Variants in CELSR3 observed in about 807,000 individuals in gnomAD.
CELSR3 encodes EGF-like protein 1.
A neutral mutation model predicts 270.0 loss-of-function variants in CELSR3; 73 were observed. The observed-to-expected ratio is 0.27, with a 90% CI of 0.22 to 0.33. CELSR3 has a LOEUF of 0.33. Among genes scored for constraint, CELSR3 ranks in the 10% least tolerant of loss-of-function variants. The probability of loss-of-function intolerance (pLI) is 1.00; values close to 1 mark genes in which losing one functional copy is unlikely to be tolerated. For synonymous variants in CELSR3, 1,780 were observed against 1,905.4 expected, an observed-to-expected ratio of 0.93 and a Z score of 1.71; for missense variants, 3,614 against 4,533.8, an observed-to-expected ratio of 0.80 and a Z score of 5.83.
chr3:48,641,054 C>G lies in CELSR3; in HGVS notation c.9025+270G>C. 2.0e-6 allele frequency: 1 copy of G among 501,516 alleles called. No individual in the cohort carries two copies. The highest frequency in any genetic ancestry group is 3.5e-6 in the Non-Finnish European group (1 of 282,382). 31.1% of individuals were successfully genotyped at this position (501,516 alleles called of 1,614,324 possible). A position where few individuals can be genotyped will look rare whatever the true frequency, so the allele number is the denominator to read the frequency against. On this transcript the variant is annotated intron_variant, in intron 33 of 34. Transcript: ENST00000164024. The surrounding 1 kb of genome is among the most constrained non-coding windows in gnomAD (Gnocchi z 4.8). ...GGTGGGGGGCAGGGGGAAGCAGCTC[C>G]TAGGGTCTCTGAAAAACAGATGGGC... is the stretch of plus-strand genomic sequence containing the variant.
In CELSR3 at chr3:48,661,587, G is replaced by T; in HGVS notation, c.1048C>A (p.Gln350Lys). 6.2e-7 allele frequency: 1 copy of T among 1,609,950 alleles called. No homozygotes were observed. ...CCGGCCTCGCCGGCGTCCGGGTCCT[G>T]AGCAACCACGCGTAGCACCGCGGTG... ...AGTAVLRVVA[Q>K]DPDAGEAGRL... Residue 350 changes from glutamine to lysine, a missense_variant, in exon 1 of 35, where the codon CAG becomes AAG. Physicochemically the swap from Gln to Lys is moderately conservative, Grantham distance 53. Coordinates refer to ENST00000164024, the MANE Select transcript of CELSR3 (RefSeq NM_001407.3).
chr3:48,644,301 C>T lies in CELSR3; in HGVS notation c.8086-6G>A. On this transcript the variant is annotated splice_polypyrimidine_tract_variant and splice_region_variant and intron_variant, in intron 26 of 34. Transcript: ENST00000164024. The surrounding 1 kb of genome is among the most constrained non-coding windows in gnomAD (Gnocchi z 4.8). ...AGAAACATGGTCCCGTTCATCTGGA[C>T]CCACGGCCAGACATGTGGGGCCGGG... The T allele has an allele frequency of 6.2e-7, 1 of 1,612,860 alleles. No individual in the cohort carries two copies. Among genetic ancestry groups the T allele is most frequent in the Non-Finnish European group, 8.5e-7 (1 of 1,179,796 alleles).
Position 48,653,480 on chromosome 3 carries a change from G to T in CELSR3, c.5448+139C>A. On this transcript the variant is annotated intron_variant, in intron 9 of 34. Coordinates refer to ENST00000164024, the MANE Select transcript of CELSR3 (RefSeq NM_001407.3). This position sits in a 1 kb window ranked among gnomAD's most constrained non-coding sequence, Gnocchi z 6.5. ...ATGATGGAAAGAGAATCAAGGGCTA[G>T]GGTCCAGAGCAGGGTCAAGTGTGGT... 1 of 987,190 alleles carries T rather than the reference G, an allele frequency of 1.0e-6. No homozygotes were observed. Among genetic ancestry groups the T allele is most frequent in the Non-Finnish European group, 1.5e-6 (1 of 654,722 alleles). 61.2% of individuals were successfully genotyped at this position (987,190 alleles called of 1,614,324 possible). A position where few individuals can be genotyped will look rare whatever the true frequency, so the allele number is the denominator to read the frequency against.
At position 48,640,335 on chromosome 3, in the gene CELSR3, G is replaced by A. The variant is rs759724759; in HGVS notation, c.9250C>T (p.Arg3084Ter). 5 of 1,612,536 alleles carry A rather than the reference G, an allele frequency of 3.1e-6. No individual in the cohort carries two copies. The highest frequency in any genetic ancestry group is 4.2e-6 in the Non-Finnish European group (5 of 1,179,876). The change falls in exon 34 of 35, where the codon CGA becomes TGA. Residue 3084 changes from arginine to a stop codon, truncating the protein, a stop_gained. Transcript: ENST00000164024. LOFTEE classifies it high-confidence loss of function. This position sits in a 1 kb window ranked among gnomAD's most constrained non-coding sequence, Gnocchi z 7.5. ...ACAGGGGCAGGGGCTTCCTCTAGTC[G>A]CTCACGGCTCAGTTGCCGCCGGAGG... is the stretch of plus-strand genomic sequence containing the variant. ...LLLRRQLSRE[R>*]LEEAPAPVLR...
In CELSR3 at chr3:48,654,841, T is replaced by TG. The variant is rs897358936; in HGVS notation, c.4988+202dup. Among the ~76,000 whole-genome samples, 7 of 141,312 alleles carry TG rather than the reference T, an allele frequency of 5.0e-5. No individual in the cohort carries two copies. The highest frequency in any genetic ancestry group is 1.9e-4 in the African/African-American group (7 of 37,128). The allele number at this position is 141,312 out of a possible 152,430, so 92.7% of individuals were successfully genotyped here. ...TGGAGGACTGCCTGGGGACTGTGTG[T>TG]GGGAGGAGGGAGTATGGGGTGGAAT... On this transcript the variant is annotated intron_variant, in intron 6 of 34. Transcript: ENST00000164024. This position sits in a 1 kb window ranked among gnomAD's most constrained non-coding sequence, Gnocchi z 5.4.
At position 48,641,556 on chromosome 3, in the gene CELSR3, TG is replaced by T; in HGVS notation, c.8825-33del. 2 of 1,535,690 alleles carry T rather than the reference TG, an allele frequency of 1.3e-6. No homozygotes were observed. Among genetic ancestry groups the T allele is most frequent in the Non-Finnish European group, 1.8e-6 (2 of 1,112,960 alleles). On this transcript the variant is annotated intron_variant, in intron 32 of 34. Transcript: ENST00000164024. The surrounding 1 kb of genome is among the most constrained non-coding windows in gnomAD (Gnocchi z 4.8). Reference sequence around the variant, plus strand: ...AGCCAGGTCAGGTTACAGGAGCTTCTGGGTTGATCCCAGTGACTCATGACCC... The same window carrying T: ...AGCCAGGTCAGGTTACAGGAGCTTCTGGTTGATCCCAGTGACTCATGACCC...
Position 48,646,933 on chromosome 3 carries a change from C to A in CELSR3, c.7130-5G>T, listed in dbSNP as rs1464455470. On this transcript the variant is annotated splice_region_variant and splice_polypyrimidine_tract_variant and intron_variant, in intron 20 of 34. Transcript: ENST00000164024. The surrounding 1 kb of genome is among the most constrained non-coding windows in gnomAD (Gnocchi z 4.8). The stretch of plus-strand genomic sequence containing the variant: ...TGCTGCTGCTTGTGGGCAGAACTGC[C>A]AGGAGAGAAGGAGGAGCTTCTGTCA... 6.6e-7 allele frequency: 1 copy of A among 1,521,396 alleles called. No individual in the cohort carries two copies. Among genetic ancestry groups the A allele is most frequent in the South Asian group, 1.2e-5 (1 of 80,196 alleles). The allele number at this position is 1,521,396 out of a possible 1,614,324, so 94.2% of individuals were successfully genotyped here. A position where few individuals can be genotyped will look rare whatever the true frequency, so the allele number is the denominator to read the frequency against.
At chr3:48,649,749 G>C (rs1165776516) in intron 16 of CELSR3, among the ~76,000 whole-genome samples, 1 of 152,256 alleles carries the variant, frequency 6.6e-6, no homozygotes, top group South Asian at 2.1e-4. Flanking sequence ...AATGAGAATT[G>C]ACTTGGATCT....
At position 48,639,890 on chromosome 3, in the gene CELSR3, C is replaced by G. The variant is rs2047006733; in HGVS notation, c.9695G>C (p.Ser3232Thr). Residue 3232 changes from serine to threonine, a missense_variant, in exon 34 of 35, where the codon AGT becomes ACT. Transcript: ENST00000164024. This position sits in a 1 kb window ranked among gnomAD's most constrained non-coding sequence, Gnocchi z 4.1. ...TGTGGAGGGGCCATGGCTGGGGCCA[C>G]TGACCGAGTCCTCCCTAGCTCTGAG... ...QLLRAREDSV[S>T]GPSHGPSTEQ... 1.9e-6 allele frequency: 3 copies of G among 1,613,344 alleles called. No individual in the cohort carries two copies. In the South Asian group the frequency reaches 3.3e-5, roughly 18 times the overall value.
chr3:48,645,760 C>T lies in CELSR3; in HGVS notation c.7572G>A (p.Met2524Ile), dbSNP rs773182506. ...GCCCCACCTCACGGGGAGAGGCATC[C>T]ATGAGGACCCCAAAGGTCCCTGTCC... ...CSRTGTFGVL[M>I]DASPRERLEG... Residue 2524 changes from methionine (M) to isoleucine (I), a missense_variant, in exon 23 of 35, where the codon ATG becomes ATA. Met to Ile is a conservative substitution (Grantham distance 10). Coordinates refer to ENST00000164024, the MANE Select transcript of CELSR3 (RefSeq NM_001407.3). The surrounding 1 kb of genome is among the most constrained non-coding windows in gnomAD (Gnocchi z 5.4). The T allele has an allele frequency of 6.2e-6, 10 of 1,610,700 alleles. No homozygotes were observed. Among genetic ancestry groups the T allele is most frequent in the Non-Finnish European group, 7.6e-6 (9 of 1,178,368 alleles).
chr3:48,656,672 C>A, intron 2 of CELSR3, 26 bp downstream of exon 2: 1 of 1,460,938 alleles, frequency 6.8e-7, no homozygotes, highest in East Asian at 2.4e-5. Flanking sequence ...GTGCTTCCCC[C>A]AGCTCTGGCC....
intron 18 of CELSR3, 34 bp downstream of exon 18, chr3:48,648,685 G>A (rs2106708232): frequency 1.9e-6 from 3 of 1,594,152 alleles, no homozygotes; most frequent in Non-Finnish European, 1.7e-6. Flanking sequence ...GAGCTGGGGG[G>A]CCAAGGCACT....
chr3:48,638,307 CATT>C, intron 34 of CELSR3, 75 bp from the exon 35 acceptor site: 1 of 1,119,572 alleles, frequency 8.9e-7, no homozygotes, highest in Non-Finnish European at 1.4e-6. Flanking sequence ...TCCCCCACCA[CATT>C]TGGCCTGGCT....
At position 48,650,432 on chromosome 3, in the gene CELSR3, C is replaced by CCGGGGGGGGGGGGGGGGGGGGGGGG; in HGVS notation, c.6472+47_6472+48insCCCCCCCCCCCCCCCCCCCCCCCCG. 5.0e-6 allele frequency: 6 copies of CCGGGGGGGGGGGGGGGGGGGGGGGG among 1,208,942 alleles called. No individual in the cohort carries two copies. The highest frequency in any genetic ancestry group is 3.6e-6 in the Non-Finnish European group (3 of 844,582). 74.9% of individuals were successfully genotyped at this position (1,208,942 alleles called of 1,614,324 possible). On this transcript the variant is annotated intron_variant, in intron 16 of 34. Coordinates refer to ENST00000164024, the MANE Select transcript of CELSR3 (RefSeq NM_001407.3). The surrounding 1 kb of genome is among the most constrained non-coding windows in gnomAD (Gnocchi z 5.1). ...AGACATGGCTCTAGCAGTCAGAGTA[C>CCGGGGGGGGGGGGGGGGGGGGGGGG]AGGCCCACCCCCACCCTCAGTGATG... is the stretch of plus-strand genomic sequence containing the variant.
At position 48,656,874 on chromosome 3, in the gene CELSR3, G is replaced by A. The variant is rs1323664112; in HGVS notation, c.4223C>T (p.Thr1408Met). The A allele has an allele frequency of 1.2e-6, 2 of 1,609,476 alleles. No homozygotes were observed. The highest frequency in any genetic ancestry group is 1.7e-6 in the Non-Finnish European group (2 of 1,177,938). Reference protein sequence around the residue: ...SSAPFLASASTLFRPIQPIAG... With the variant: ...SSAPFLASASMLFRPIQPIAG... ...GATGGGCTGGATGGGTCGGAACAGC[G>A]TGGAGGCCGAGGCCAGGAAGGGCGC... The change falls in exon 2 of 35, where the codon ACG becomes ATG. Residue 1408 changes from threonine (T) to methionine (M), a missense_variant. Thr to Met is a moderately conservative substitution (Grantham distance 81). Transcript: ENST00000164024.
In CELSR3 at chr3:48,658,452, C is replaced by T. The variant is rs1219374145; in HGVS notation, c.3748+435G>A. 6.6e-6 allele frequency among the ~76,000 whole-genome samples: 1 copy of T among 152,178 alleles called. No homozygotes were observed. The highest frequency in any genetic ancestry group is 1.5e-5 in the Non-Finnish European group (1 of 68,032). On this transcript the variant is annotated intron_variant, in intron 1 of 34. Coordinates refer to ENST00000164024, the MANE Select transcript of CELSR3 (RefSeq NM_001407.3). The surrounding 1 kb of genome is among the most constrained non-coding windows in gnomAD (Gnocchi z 4.7). ...TCCATAGTAAGCTGCTGTTCCTGAC[C>T]ACTCAAGTATTGGTCATTTCCTGCA...
chr3:48,644,603 G>A lies in CELSR3; in HGVS notation c.8085+113C>T, dbSNP rs565722966. The A allele has an allele frequency of 2.4e-4, 197 of 830,878 alleles. 3 individuals carry two copies. In the East Asian group the frequency reaches 4.9e-3, roughly 21 times the overall value. 51.5% of individuals were successfully genotyped at this position (830,878 alleles called of 1,614,324 possible). ...CCAGAGGACAGAAAAAATGAAGGCC[G>A]AGCCCAGGAAGCCTGCAGAATGCCA... On this transcript the variant is annotated intron_variant, in intron 26 of 34. Coordinates refer to ENST00000164024, the MANE Select transcript of CELSR3 (RefSeq NM_001407.3). This position sits in a 1 kb window ranked among gnomAD's most constrained non-coding sequence, Gnocchi z 4.8.
Position 48,641,870 on chromosome 3 carries a change from C to A in CELSR3, c.8805G>T (p.Arg2935Ser). 2 of 1,490,800 alleles carry A rather than the reference C, an allele frequency of 1.3e-6. No homozygotes were observed. Among genetic ancestry groups the A allele is most frequent in the South Asian group, 2.8e-5 (2 of 72,502 alleles). 92.3% of individuals were successfully genotyped at this position (1,490,800 alleles called of 1,614,324 possible). ...TGGCACCTTTGGGGTGGGTGAGGAGCCTCTCACTCTGGGCTGCTCGGCAGA... is the reference window on the plus strand; with the variant it reads ...TGGCACCTTTGGGGTGGGTGAGGAGACTCTCACTCTGGGCTGCTCGGCAGA... Reference protein sequence around the residue: ...RPLCRAAQSERLLTHPKDVDG... With the variant: ...RPLCRAAQSESLLTHPKDVDG... Residue 2935 changes from arginine to serine, a missense_variant, in exon 32 of 35, where the codon AGG (arginine) becomes AGT (serine). Around this residue, in one of 7 missense-constraint regions of CELSR3, gnomAD observed 1,240 missense variants for 1,351.7 expected, o/e 0.92. Transcript: ENST00000164024. This position sits in a 1 kb window ranked among gnomAD's most constrained non-coding sequence, Gnocchi z 4.8.
In CELSR3 at chr3:48,640,100, G is replaced by C. The variant is rs747791766; in HGVS notation, c.9485C>G (p.Thr3162Ser). ...WLSTLPPPRR[T>S]RDLDPQPPPL... ...TGGGGGCTGTGGGTCAAGGTCCCGG[G>C]TGCGGCGGGGCGGAGGCAGCGTGCT... Residue 3162 changes from threonine (T) to serine (S), a missense_variant, in exon 34 of 35, where the codon ACC becomes AGC. Around this residue, in one of 7 missense-constraint regions of CELSR3, gnomAD observed 1,240 missense variants for 1,351.7 expected, o/e 0.92. Transcript: ENST00000164024. This position sits in a 1 kb window ranked among gnomAD's most constrained non-coding sequence, Gnocchi z 7.5. 1 of 1,611,260 alleles carries C rather than the reference G, an allele frequency of 6.2e-7. No individual in the cohort carries two copies. Among genetic ancestry groups the C allele is most frequent in the Non-Finnish European group, 8.5e-7 (1 of 1,179,790 alleles).
Sources: gnomAD v4.1 joint callset for allele counts (sites outside exome capture counted in the v4.1 genomes callset) on GRCh38, gnomAD v4.1.1 for gene constraint, gnomAD v4.1.1 regional missense constraint, Gnocchi (gnomAD v3.1) non-coding constraint, MANE v1.5 for transcripts, NCBI Gene and HGNC (gene_info 2026-07-23, HGNC 2026-07-21) for gene names.